The following TNKS variants were observed in gnomAD, a reference collection of about 807,000 sequenced individuals.
TNKS encodes the protein poly [ADP-ribose] polymerase tankyrase-1.
A neutral mutation model predicts 135.8 loss-of-function variants in TNKS; 72 were observed. That is an observed-to-expected ratio of 0.53 (90% CI 0.44 to 0.64). The LOEUF (loss-of-function observed/expected upper bound fraction) is 0.64. Ranked by LOEUF, TNKS falls within the 30% of genes least tolerant of loss-of-function variation. The pLI is 0.00. For missense variants in TNKS, 1,769 were observed against 1,674.0 expected (o/e 1.06, Z -0.99); for synonymous variants, 849 against 649.3 (o/e 1.31, Z -4.68).
chr8:9,707,113 C>T, intron 8 of TNKS, 116 bp downstream of exon 8: 3 of 869,622 alleles, frequency 3.4e-6, no homozygotes, highest in Non-Finnish European at 3.3e-6. Flanking sequence ...AATTCATAAT[C>T]CTCATTTCTA....
intron 2 of TNKS, among the ~76,000 whole-genome samples, chr8:9,597,624 A>C (rs1397268574): frequency 6.6e-6 from 1 of 152,202 alleles, no homozygotes; most frequent in African/African-American, 2.4e-5. Context: ...CAAATATTTC[A>C]ATAGCAGGGG....
At chr8:9,668,551 A>C (rs1220457565) in intron 3 of TNKS, among the ~76,000 whole-genome samples, 2 of 152,248 alleles carry the variant, frequency 1.3e-5, no homozygotes, top group Non-Finnish European at 2.9e-5. Context: ...GAATAAGCAA[A>C]TAACTTGCCT....
At chr8:9,667,696 G>T (rs1238583507) in intron 3 of TNKS, among the ~76,000 whole-genome samples, 1 of 152,168 alleles carries the variant, frequency 6.6e-6, no homozygotes, top group Non-Finnish European at 1.5e-5. Context: ...AGCACCAATT[G>T]TGATTTACTT....
At chr8:9,654,528 A>G (rs1389946886) in intron 3 of TNKS, among the ~76,000 whole-genome samples, 2 of 152,218 alleles carry the variant, frequency 1.3e-5, no homozygotes, top group Non-Finnish European at 2.9e-5. Context: ...TTTTCACTTC[A>G]TTGCAAACTT....
At chr8:9,670,410 A>G (rs1802223033) in intron 3 of TNKS, among the ~76,000 whole-genome samples, 1 of 152,234 alleles carries the variant, frequency 6.6e-6, no homozygotes, top group Admixed American at 6.5e-5. Flanking sequence ...TGTAGAGGGC[A>G]TGAAGCCACA....
At chr8:9,693,131 C>T (rs951868748) in intron 5 of TNKS, among the ~76,000 whole-genome samples, 1 of 152,094 alleles carries the variant, frequency 6.6e-6, no homozygotes, top group East Asian at 1.9e-4. Context: ...ACTTATTGAT[C>T]TTAACCAAAT....
At chr8:9,707,102 T>A in intron 8 of TNKS, 105 bp downstream of exon 8, 1 of 935,800 alleles carries the variant, frequency 1.1e-6, no homozygotes, top group Non-Finnish European at 1.5e-6. Flanking sequence ...ACAAGCAGAC[T>A]AATTCATAAT....
chr8:9,598,727 G>C lies in TNKS; in HGVS notation c.899-16855G>C, dbSNP rs1041206077. On this transcript the variant is annotated intron_variant, in intron 2 of 26. Transcript: ENST00000310430. ...AATATGTGTGTGTGTGTGTGTGTGT[G>C]TGTGTGTCTGTGTGTGTATATATGT... 1.2e-4 allele frequency among the ~76,000 whole-genome samples: 15 copies of C among 124,250 alleles called. No individual in the cohort carries two copies. The East Asian group carries it at 1.2e-3, about 10-fold the overall frequency. 81.5% of individuals were successfully genotyped at this position (124,250 alleles called of 152,430 possible).
chr8:9,569,584 G>T (rs1046779411), intron 1 of TNKS, among the ~76,000 whole-genome samples: 2 of 152,168 alleles, frequency 1.3e-5, no homozygotes, highest in Non-Finnish European at 2.9e-5. Context: ...TTCTACTGTT[G>T]AGTATTTGGG....
At chr8:9,774,068 T>C (rs1808093541) in intron 26 of TNKS, among the ~76,000 whole-genome samples, 1 of 151,374 alleles carries the variant, frequency 6.6e-6, no homozygotes, top group Admixed American at 6.6e-5. Flanking sequence ...TGAAAAGATA[T>C]ATTGAAGGTT....
At chr8:9,717,102 T>TATATATATATATATATATA (rs60792807) in intron 11 of TNKS, among the ~76,000 whole-genome samples, 246 of 122,586 alleles carry the variant, frequency 2.0e-3, no homozygotes, top group South Asian at 3.4e-3. Context: ...TATATATATA[T>TATATATATATATATATATA]TTTCAGGGAA....
chr8:9,594,688 T>G (rs1166257493), intron 2 of TNKS, among the ~76,000 whole-genome samples: 1 of 152,222 alleles, frequency 6.6e-6, no homozygotes, highest in Non-Finnish European at 1.5e-5. Context: ...ATTATTTATA[T>G]AGAAATCATC....
chr8:9,754,155 T>C (rs1806708163), intron 20 of TNKS, among the ~76,000 whole-genome samples: 1 of 152,164 alleles, frequency 6.6e-6, no homozygotes, highest in Non-Finnish European at 1.5e-5. Flanking sequence ...ACACTTTTCT[T>C]CCAAGGAAGG....
chr8:9,677,852 T>TA (rs771201326), intron 3 of TNKS, among the ~76,000 whole-genome samples: 1 of 152,156 alleles, frequency 6.6e-6, no homozygotes, highest in Non-Finnish European at 1.5e-5. Flanking sequence ...CAGAGCTACT[T>TA]ACAACCATTC....
At chr8:9,772,359 A>AT (rs1477687687) in intron 26 of TNKS, 13 of 455,082 alleles carry the variant, frequency 2.9e-5, no homozygotes, top group African/African-American at 1.8e-4. Context: ...GGCTTATATT[A>AT]TCTCTCTAGG....
At chr8:9,697,479 C>A (rs1189200562) in intron 5 of TNKS, among the ~76,000 whole-genome samples, 5 of 152,004 alleles carry the variant, frequency 3.3e-5, no homozygotes, top group African/African-American at 1.2e-4. Context: ...TTCTGCACAG[C>A]AAAAGAAACT....
intron 2 of TNKS, among the ~76,000 whole-genome samples, chr8:9,610,286 T>A (rs1799405638): frequency 1.4e-5 from 2 of 141,186 alleles, no homozygotes; most frequent in African/African-American, 5.4e-5. Context: ...AAAGAGTTTT[T>A]AAAAAATCTA....
At chr8:9,758,796 G>A (rs1168138237) in intron 20 of TNKS, among the ~76,000 whole-genome samples, 2 of 152,220 alleles carry the variant, frequency 1.3e-5, no homozygotes, top group Non-Finnish European at 2.9e-5. Flanking sequence ...GCTGCTGCTT[G>A]ATAAATTACC....
chr8:9,735,203 T>A, intron 16 of TNKS, 119 bp downstream of exon 16: 1 of 1,155,824 alleles, frequency 8.7e-7, no homozygotes, highest in Non-Finnish European at 1.2e-6. Flanking sequence ...TGCTCTTGAT[T>A]GACATAGTTT....
Sources: allele counts gnomAD v4.1 joint callset (sites outside exome capture counted in the v4.1 genomes callset), GRCh38; gene constraint gnomAD v4.1.1; transcripts MANE v1.5; gene names NCBI Gene and HGNC (gene_info 2026-07-23, HGNC 2026-07-21).